Variants in SPATS1 observed in about 807,000 individuals in gnomAD.
SPATS1 encodes the protein spermatogenesis-associated serine-rich protein 1.
In SPATS1, 23 loss-of-function variants were observed where a neutral mutation model predicts 33.6. That is an observed-to-expected ratio of 0.68 (90% confidence interval 0.49 to 0.97). The LOEUF is 0.97. Among genes scored for constraint, SPATS1 ranks in the 50% least tolerant of loss-of-function variants. The pLI is 0.00. For synonymous variants in SPATS1, 131 were observed against 125.6 expected (o/e 1.04, Z -0.29); for missense variants, 327 against 361.0 (o/e 0.91, Z 0.76).
intron 5 of SPATS1, among the ~76,000 whole-genome samples, chr6:44,366,129 T>A (rs113338322): frequency 0.091 from 8,149 of 90,024 alleles, 511 homozygotes; most frequent in African/African-American, 0.25. Flanking sequence ...ATATATATAT[T>A]TTTTTTTTTT....
chr6:44,368,206 AT>A (rs769430842), intron 5 of SPATS1, among the ~76,000 whole-genome samples, 172 bp from the exon 6 acceptor site: 9 of 152,348 alleles, frequency 5.9e-5, no homozygotes, highest in Non-Finnish European at 1.2e-4. Flanking sequence ...TGTCCCAAAT[AT>A]AGGCTCATCT....
chr6:44,354,598 A>C (rs1455733816), intron 3 of SPATS1, among the ~76,000 whole-genome samples: 1 of 152,086 alleles, frequency 6.6e-6, no homozygotes, highest in Non-Finnish European at 1.5e-5. Flanking sequence ...GTAAGGTACA[A>C]AGTTCCTATG....
rs777246526 is a variant in SPATS1 at position 44,368,473 on chromosome 6, A to G, written c.669A>G (p.Ser223=). 1.2e-6 allele frequency: 2 copies of G among 1,613,074 alleles called. No individual in the cohort carries two copies. The highest frequency in any genetic ancestry group is 1.7e-6 in the Non-Finnish European group (2 of 1,179,416). The change falls in exon 6 of 9, where the codon TCA becomes TCG. Residue 223 remains serine, a synonymous_variant. Coordinates refer to ENST00000674044, the MANE Select transcript of SPATS1 (RefSeq NM_001372081.1). ...GTAAAGGCTTCCACAAAGCAGGATC[A>G]ATGCTCCCACCAGTGAATTTTTCAA... is the stretch of plus-strand genomic sequence containing the variant. ...EQSKGFHKAG[S]MLPPVNFSIV...
At chr6:44,343,367 T>TACTATTCAA in intron 2 of SPATS1, 133 bp downstream of exon 2, 3 of 1,028,178 alleles carry the variant, frequency 2.9e-6, no homozygotes, top group Non-Finnish European at 4.5e-6. Flanking sequence ...TAAAAAGAGC[T>TACTATTCAA]GCTTGAATAG....
At chr6:44,376,014 G>T (rs918374835) in intron 7 of SPATS1, among the ~76,000 whole-genome samples, 1 of 152,050 alleles carries the variant, frequency 6.6e-6, no homozygotes, top group South Asian at 2.1e-4. Context: ...GCTGAGGCAG[G>T]AGAATTGCTT....
Position 44,359,745 on chromosome 6 carries a change from T to G in SPATS1, c.288-701T>G, listed in dbSNP as rs149661544. Among the ~76,000 whole-genome samples, 531 of 152,178 alleles carry G rather than the reference T, an allele frequency of 3.5e-3. 24 individuals are homozygous for G. The East Asian group carries it at 0.085, about 24-fold the overall frequency. On this transcript the variant is annotated intron_variant, in intron 3 of 8. Coordinates refer to ENST00000674044, the MANE Select transcript of SPATS1 (RefSeq NM_001372081.1). ...CTACCATGCCTGGCTAATTTTTGTA[T>G]TTTTGGTAGTGATGGGGTGTCTCCA...
At chr6:44,359,374 T>A (rs187258384) in intron 3 of SPATS1, among the ~76,000 whole-genome samples, 200 of 152,324 alleles carry the variant, frequency 1.3e-3, no homozygotes, top group Middle Eastern at 3.4e-3. Flanking sequence ...ACAGAAACTC[T>A]ATGACCATAG....
At chr6:44,374,452 T>G (rs1789813270) in intron 7 of SPATS1, among the ~76,000 whole-genome samples, 1 of 152,222 alleles carries the variant, frequency 6.6e-6, no homozygotes, top group Non-Finnish European at 1.5e-5. Flanking sequence ...GTTATTAAGG[T>G]TCTAATTCTC....
intron 2 of SPATS1, 153 bp downstream of exon 2, chr6:44,343,387 TTTG>T (rs1462581953): frequency 5.7e-6 from 5 of 875,858 alleles, no homozygotes; most frequent in Non-Finnish European, 9.3e-6. Flanking sequence ...GTAGCTTATG[TTTG>T]TGCTAACCCA....
chr6:44,377,140 C>T lies in SPATS1; in HGVS notation c.*77C>T. Reference sequence around the variant, plus strand: ...CCAGTTGATGTTTTTTGTCATGTGACTGTTCTAAATCCAGTGTTTGACCCT... The same window carrying T: ...CCAGTTGATGTTTTTTGTCATGTGATTGTTCTAAATCCAGTGTTTGACCCT... On this transcript the variant is annotated 3_prime_UTR_variant, in exon 9 of 9. Transcript: ENST00000674044. The T allele has an allele frequency of 6.4e-7, 1 of 1,557,226 alleles. No individual in the cohort carries two copies. The highest frequency in any genetic ancestry group is 1.1e-5 in the South Asian group (1 of 89,958).
intron 3 of SPATS1, among the ~76,000 whole-genome samples, chr6:44,358,424 A>G (rs1266129471): frequency 6.6e-6 from 1 of 152,176 alleles, no homozygotes. Context: ...ATAATGCTCT[A>G]TTATTGTAAT....
intron 2 of SPATS1, among the ~76,000 whole-genome samples, chr6:44,350,068 C>T (rs1231315444): frequency 6.6e-6 from 1 of 152,170 alleles, no homozygotes; most frequent in Non-Finnish European, 1.5e-5. Context: ...CCAGTTGGAC[C>T]TCACTGTGCT....
Position 44,377,254 on chromosome 6 carries a change from A to C in SPATS1, c.*191A>C, listed in dbSNP as rs1790018165. The C allele has an allele frequency of 1.6e-6, 1 of 626,230 alleles. No homozygotes were observed. The highest frequency in any genetic ancestry group is 2.8e-5 in the Admixed American group (1 of 35,732). 38.8% of individuals were successfully genotyped at this position (626,230 alleles called of 1,614,324 possible). A position where few individuals can be genotyped will look rare whatever the true frequency, so the allele number is the denominator to read the frequency against. On this transcript the variant is annotated 3_prime_UTR_variant, in exon 9 of 9. Coordinates refer to ENST00000674044, the MANE Select transcript of SPATS1 (RefSeq NM_001372081.1). ...TAAAAGTTGCAAGAATTGTACAACA[A>C]ACACCTGCATATCCTTCACATAGAT...
chr6:44,366,589 G>C (rs1789263254), intron 5 of SPATS1, among the ~76,000 whole-genome samples: 1 of 152,176 alleles, frequency 6.6e-6, no homozygotes, highest in Admixed American at 6.6e-5. Context: ...TTTCAGGTGT[G>C]CTAAAATTTT....
At chr6:44,344,796 T>C (rs1249757716) in intron 2 of SPATS1, among the ~76,000 whole-genome samples, 1 of 152,234 alleles carries the variant, frequency 6.6e-6, no homozygotes, top group Non-Finnish European at 1.5e-5. Context: ...TCCTTTCTGG[T>C]TACCAGAACC....
intron 1 of SPATS1, 128 bp downstream of exon 1, chr6:44,342,896 GC>G (rs1295800524): frequency 1.1e-5 from 14 of 1,278,548 alleles, no homozygotes; most frequent in Non-Finnish European, 1.1e-6. Context: ...CGGGCTGGGG[GC>G]GGACTCGCTG....
At chr6:44,343,343 A>G in intron 2 of SPATS1, 109 bp downstream of exon 2, 2 of 1,318,932 alleles carry the variant, frequency 1.5e-6, no homozygotes, top group Non-Finnish European at 2.2e-6. Context: ...GAAGGAAGCT[A>G]GTTTGGGGGC....
At chr6:44,354,992 T>G (rs984326762) in intron 3 of SPATS1, among the ~76,000 whole-genome samples, 1 of 152,148 alleles carries the variant, frequency 6.6e-6, no homozygotes, top group African/African-American at 2.4e-5. Context: ...TTTGTAAATG[T>G]ATTTTTTTTG....
At chr6:44,347,710 C>T (rs1411113538) in intron 2 of SPATS1, among the ~76,000 whole-genome samples, 6 of 151,988 alleles carry the variant, frequency 3.9e-5, no homozygotes, top group African/African-American at 1.5e-4. Flanking sequence ...ATTAGTTGTT[C>T]CAGCAATATT....
Sources: allele counts gnomAD v4.1 joint callset (sites outside exome capture counted in the v4.1 genomes callset), GRCh38; gene constraint gnomAD v4.1.1; transcripts MANE v1.5; gene names NCBI Gene and HGNC (gene_info 2026-07-23, HGNC 2026-07-21).